The following TNNI3K variants were observed in gnomAD, a reference collection of about 807,000 sequenced individuals.
TNNI3K encodes the protein serine/threonine-protein kinase TNNI3K.
A neutral mutation model predicts 114.5 loss-of-function variants in TNNI3K; 140 were observed. That is an observed-to-expected ratio of 1.22 (90% CI 1.07 to 1.41). The LOEUF (loss-of-function observed/expected upper bound fraction) is 1.41, where lower values mean the gene tolerates loss of function less well. Ranked by LOEUF, TNNI3K falls within the 40% of genes most tolerant of loss-of-function variation. The pLI is 0.00. For synonymous variants in TNNI3K, 347 were observed against 347.5 expected, an observed-to-expected ratio of 1.00 and a Z score of 0.02; for missense variants, 1,125 against 1,007.6, an observed-to-expected ratio of 1.12 and a Z score of -1.58.
chr1:74,241,626 TG>T (rs1654220518), intron 2 of TNNI3K, among the ~76,000 whole-genome samples: 3 of 152,304 alleles, frequency 2.0e-5, no homozygotes, highest in African/African-American at 7.2e-5. Context: ...TTGATGGGGT[TG>T]TTTTTTTCTT....
chr1:74,517,060 T>C (rs1646359334), intron 23 of TNNI3K, among the ~76,000 whole-genome samples: 1 of 152,180 alleles, frequency 6.6e-6, no homozygotes, highest in Non-Finnish European at 1.5e-5. Flanking sequence ...GCTCTGTTGA[T>C]GGGGATTATT....
intron 5 of TNNI3K, among the ~76,000 whole-genome samples, chr1:74,290,236 G>A (rs1008411345): frequency 1.3e-5 from 2 of 148,798 alleles, no homozygotes; most frequent in Non-Finnish European, 3.0e-5. Flanking sequence ...AAGAGAGCAA[G>A]TCTAAGTCCT....
At chr1:74,354,280 G>C in intron 11 of TNNI3K, 151 bp downstream of exon 11, 1 of 1,321,104 alleles carries the variant, frequency 7.6e-7, no homozygotes, top group African/African-American at 1.5e-5. Context: ...TTGGATCAAA[G>C]AGTCCAATAC....
chr1:74,369,234 G>A lies in TNNI3K; in HGVS notation c.1442G>A (p.Arg481Gln), dbSNP rs200277259. 46 of 1,611,784 alleles carry A rather than the reference G, an allele frequency of 2.9e-5. No individual in the cohort carries two copies. Among genetic ancestry groups the A allele is most frequent in the Non-Finnish European group, 3.6e-5 (42 of 1,178,974 alleles). Reference protein sequence around the residue: ...SGSFGKVYKGRCRNKIVAIKR... With the variant: ...SGSFGKVYKGQCRNKIVAIKR... ...TCTTTTGGGAAAGTATATAAAGGAC[G>A]ATGCAGAAATAAAATAGTGGCTATA... The change falls in exon 15 of 25, where the codon CGA (arginine) becomes CAA (glutamine). Residue 481 changes from arginine (R) to glutamine (Q), a missense_variant. Transcript: ENST00000326637.
intron 20 of TNNI3K, among the ~76,000 whole-genome samples, chr1:74,456,266 G>A (rs2100708107): frequency 6.6e-6 from 1 of 152,252 alleles, no homozygotes; most frequent in Non-Finnish European, 1.5e-5. Context: ...AGACTTCCAG[G>A]CTTCTGGCTT....
At chr1:74,366,161 C>T (rs958235779) in intron 11 of TNNI3K, among the ~76,000 whole-genome samples, 2 of 151,952 alleles carry the variant, frequency 1.3e-5, no homozygotes, top group African/African-American at 4.8e-5. Flanking sequence ...ACTACAGATC[C>T]TTTGTGATGG....
intron 23 of TNNI3K, among the ~76,000 whole-genome samples, chr1:74,507,888 T>C (rs919293882): frequency 1.3e-5 from 2 of 152,220 alleles, no homozygotes; most frequent in African/African-American, 4.8e-5. Context: ...GTTAGTCAGG[T>C]GTTCATTCAA....
At chr1:74,416,636 T>A in intron 17 of TNNI3K, 2 of 817,484 alleles carry the variant, frequency 2.4e-6, no homozygotes, top group Non-Finnish European at 3.0e-6. Context: ...TCCAGTGTAA[T>A]TGAAATTAGA....
rs527708969 is a variant in TNNI3K at position 74,478,797 on chromosome 1, G to A, written c.2122-10392G>A. Among the ~76,000 whole-genome samples, 4 of 152,300 alleles carry A rather than the reference G, an allele frequency of 2.6e-5. No homozygotes were observed. The East Asian group carries it at 5.8e-4, about 22-fold the overall frequency. On this transcript the variant is annotated intron_variant, in intron 21 of 24. Coordinates refer to ENST00000326637, the MANE Select transcript of TNNI3K (RefSeq NM_015978.3). ...GGATATCTATTAATTATCCACCAGT[G>A]CTAGTATTCTAAGAAGCACATTTAA... is the stretch of plus-strand genomic sequence containing the variant.
chr1:74,341,308 G>A (rs534188725), intron 7 of TNNI3K, among the ~76,000 whole-genome samples: 2 of 152,194 alleles, frequency 1.3e-5, no homozygotes, highest in South Asian at 4.1e-4. Context: ...TTTCTAAGAT[G>A]GACATTAGTA....
intron 6 of TNNI3K, among the ~76,000 whole-genome samples, chr1:74,335,479 C>T (rs1189047760): frequency 6.6e-6 from 1 of 152,066 alleles, no homozygotes; most frequent in African/African-American, 2.4e-5. Context: ...ACTGTTCAAC[C>T]TCTCTCCTAG....
chr1:74,239,364 A>C (rs902101433), intron 2 of TNNI3K, among the ~76,000 whole-genome samples: 1 of 152,138 alleles, frequency 6.6e-6, no homozygotes, highest in Non-Finnish European at 1.5e-5. Flanking sequence ...TTTTAAAGGT[A>C]GTTGGGAAGA....
At chr1:74,241,711 T>A (rs1260133818) in intron 2 of TNNI3K, among the ~76,000 whole-genome samples, 2 of 152,204 alleles carry the variant, frequency 1.3e-5, no homozygotes, top group Non-Finnish European at 2.9e-5. Context: ...AAAAATTTTC[T>A]CCCATTCTGT....
In TNNI3K at chr1:74,523,110, C is replaced by T. The variant is rs138529303; in HGVS notation, c.2352-17124C>T. On this transcript the variant is annotated intron_variant, in intron 23 of 24. Transcript: ENST00000326637. ...GATTCCTCTCTTCCCTCTTACAGGC[C>T]AGGTGACCTGAGGCAAGTTGCCTGA... 4.0e-3 allele frequency among the ~76,000 whole-genome samples: 603 copies of T among 152,306 alleles called. 6 individuals carry two copies. The highest frequency in any genetic ancestry group is 0.014 in the African/African-American group (570 of 41,572).
intron 11 of TNNI3K, among the ~76,000 whole-genome samples, chr1:74,360,717 G>A (rs1661918022): frequency 1.3e-5 from 2 of 151,922 alleles, no homozygotes; most frequent in Non-Finnish European, 2.9e-5. Context: ...TTAGTTTATG[G>A]AAGTCTCCTA....
At chr1:74,350,078 A>G (rs1048982237) in intron 9 of TNNI3K, among the ~76,000 whole-genome samples, 1 of 151,978 alleles carries the variant, frequency 6.6e-6, no homozygotes, top group African/African-American at 2.4e-5. Context: ...TGTCAATTTT[A>G]GATCTTTCCT....
chr1:74,500,819 C>T (rs1327506065), intron 23 of TNNI3K, among the ~76,000 whole-genome samples: 1 of 151,714 alleles, frequency 6.6e-6, no homozygotes, highest in Non-Finnish European at 1.5e-5. Context: ...TTCTTTGTTG[C>T]TGTTAAAATT....
chr1:74,401,131 G>A (rs573638686), intron 17 of TNNI3K, among the ~76,000 whole-genome samples: 1 of 152,272 alleles, frequency 6.6e-6, no homozygotes, highest in African/African-American at 2.4e-5. Flanking sequence ...AAGTAAGTGA[G>A]GGTAGCCTCT....
At chr1:74,529,391 G>T (rs1427405010) in intron 23 of TNNI3K, among the ~76,000 whole-genome samples, 1 of 152,154 alleles carries the variant, frequency 6.6e-6, no homozygotes, top group African/African-American at 2.4e-5. Context: ...AGGACATTTT[G>T]CAAAATTACT....
Sources: gnomAD v4.1 joint callset for allele counts (sites outside exome capture counted in the v4.1 genomes callset) on GRCh38, gnomAD v4.1.1 for gene constraint, MANE v1.5 for transcripts, NCBI Gene and HGNC (gene_info 2026-07-23, HGNC 2026-07-21) for gene names.